MMP26: variants seen among roughly 807,000 people sequenced by gnomAD.
MMP26 encodes matrix metalloproteinase-26.
A neutral mutation model predicts 31.0 loss-of-function variants in MMP26; 33 were observed. That is an observed-to-expected ratio of 1.06 (90% CI 0.81 to 1.42). The LOEUF (loss-of-function observed/expected upper bound fraction) is 1.42. MMP26 is among the 40% of genes most tolerant of loss of function. The pLI is 0.00. For missense variants in MMP26, 347 were observed against 316.1 expected (o/e 1.10, Z -0.74); for synonymous variants, 122 against 114.9 (o/e 1.06, Z -0.40).
At chr11:4,751,139 G>A (rs748421657) in intron 1 of MMP26, among the ~76,000 whole-genome samples, 2 of 152,008 alleles carry the variant, frequency 1.3e-5, no homozygotes, top group Non-Finnish European at 2.9e-5. Context: ...AGTTATCACT[G>A]GAATTGTTTA....
At chr11:4,888,153 A>G (rs1172857634) in intron 2 of MMP26, among the ~76,000 whole-genome samples, 1 of 152,192 alleles carries the variant, frequency 6.6e-6, no homozygotes, top group Non-Finnish European at 1.5e-5. Context: ...GAAATATGTT[A>G]ATAATAGTTT....
chr11:4,769,684 A>G, intron 2 of MMP26: 1 of 1,613,058 alleles, frequency 6.2e-7, no homozygotes, highest in Non-Finnish European at 8.5e-7. Context: ...TTGACAATGA[A>G]GAAACAGTCA....
chr11:4,741,715 C>T (rs11033655), intron 1 of MMP26, among the ~76,000 whole-genome samples: 17,383 of 151,540 alleles, frequency 0.11, 1,060 homozygotes, highest in Non-Finnish European at 0.13. Context: ...CCATAGCACA[C>T]GTATTCCTAT....
chr11:4,990,833 C>T lies in MMP26; in HGVS notation c.469+87C>T, dbSNP rs183294476. ...CATCCTTAAACAAAAACCTAGCCCC[C>T]CTATTAAAGTTTCTGAGAAAAAAAG... is the stretch of plus-strand genomic sequence containing the variant. On this transcript the variant is annotated intron_variant, in intron 5 of 7. Coordinates refer to ENST00000380390, the MANE Select transcript of MMP26 (RefSeq NM_021801.5). 8 of 1,383,230 alleles carry T rather than the reference C, an allele frequency of 5.8e-6. No individual in the cohort carries two copies. The South Asian group carries it at 1.2e-4, about 21-fold the overall frequency. The allele number at this position is 1,383,230 out of a possible 1,614,324, so 85.7% of individuals were successfully genotyped here. A position where few individuals can be genotyped will look rare whatever the true frequency, so the allele number is the denominator to read the frequency against.
chr11:4,846,438 G>A (rs1443070635), intron 2 of MMP26, among the ~76,000 whole-genome samples: 1 of 152,088 alleles, frequency 6.6e-6, no homozygotes, highest in African/African-American at 2.4e-5. Context: ...GGTGAGCATG[G>A]TTAATGGGTA....
chr11:4,882,755 C>G, intron 2 of MMP26: 1 of 1,613,938 alleles, frequency 6.2e-7, no homozygotes, highest in Non-Finnish European at 8.5e-7. Flanking sequence ...TCTGCTCTTA[C>G]CACCTGTGCT....
intron 1 of MMP26, chr11:4,723,906 G>A: frequency 9.6e-7 from 1 of 1,038,910 alleles, no homozygotes; most frequent in Non-Finnish European, 1.5e-6. Context: ...CCTTCTCCTG[G>A]GTGCGCATGG....
At chr11:4,843,270 G>A (rs1194321023) in intron 2 of MMP26, among the ~76,000 whole-genome samples, 2 of 152,176 alleles carry the variant, frequency 1.3e-5, no homozygotes, top group Non-Finnish European at 2.9e-5. Context: ...CTGTGTGGGG[G>A]CTCCAACCCT....
In MMP26 at chr11:4,876,450, T is replaced by G. The variant is rs540493114; in HGVS notation, c.-145+109109T>G. The G allele has an allele frequency of 7.4e-4, 113 of 152,304 alleles. 1 individual carries two copies. The highest frequency in any genetic ancestry group is 3.2e-3 in the Admixed American group (49 of 15,294). The allele number at this position is 152,304 out of a possible 1,614,324, so 9.4% of individuals were successfully genotyped here. A position where few individuals can be genotyped will look rare whatever the true frequency, so the allele number is the denominator to read the frequency against. ...TGTGCAAGAATAATATTTAAGTTAC[T>G]TCCTCTTACAGCTACCATCTCAATA... On this transcript the variant is annotated intron_variant, in intron 2 of 7. Coordinates refer to ENST00000380390, the MANE Select transcript of MMP26 (RefSeq NM_021801.5).
intron 1 of MMP26, chr11:4,722,835 G>T (rs1472856288): frequency 1.1e-6 from 1 of 895,824 alleles, no homozygotes; most frequent in Non-Finnish European, 1.9e-6. Flanking sequence ...GTGGCTGAAG[G>T]AGCTGGAGCC....
intron 2 of MMP26, among the ~76,000 whole-genome samples, chr11:4,780,261 CA>C (rs1180455781): frequency 6.6e-6 from 1 of 151,848 alleles, no homozygotes; most frequent in Admixed American, 6.6e-5. Context: ...CATACATGAC[CA>C]AAAAGGTTTT....
chr11:4,915,878 G>A (rs1018868282), intron 2 of MMP26: 7 of 499,502 alleles, frequency 1.4e-5, no homozygotes, highest in African/African-American at 1.3e-4. Flanking sequence ...TCAATAAGAA[G>A]CAAAGACATG....
intron 2 of MMP26, among the ~76,000 whole-genome samples, chr11:4,936,868 A>G (rs1055558663): frequency 6.6e-6 from 1 of 152,178 alleles, no homozygotes; most frequent in Non-Finnish European, 1.5e-5. Context: ...TTGAATTTAC[A>G]TCCATCCAAA....
intron 1 of MMP26, among the ~76,000 whole-genome samples, chr11:4,720,807 A>C (rs1451964467): frequency 6.6e-6 from 1 of 152,206 alleles, no homozygotes; most frequent in East Asian, 1.9e-4. Flanking sequence ...CCCGCTCGCT[A>C]TAGCTCATGC....
chr11:4,940,474 G>A (rs1846191314), intron 2 of MMP26, among the ~76,000 whole-genome samples: 1 of 152,164 alleles, frequency 6.6e-6, no homozygotes, highest in South Asian at 2.1e-4. Flanking sequence ...TTTTGAAAAA[G>A]TAGGATTTTG....
chr11:4,823,838 G>A (rs551699107), intron 2 of MMP26, among the ~76,000 whole-genome samples: 15 of 152,164 alleles, frequency 9.9e-5, no homozygotes, highest in Non-Finnish European at 1.9e-4. Context: ...AAGTAAAGCC[G>A]AAAAATTATT....
intron 2 of MMP26, among the ~76,000 whole-genome samples, chr11:4,774,882 G>C (rs1222031508): frequency 2.6e-5 from 4 of 152,022 alleles, no homozygotes; most frequent in African/African-American, 9.7e-5. Context: ...TATTAAATAG[G>C]GGTTCCTTTT....
chr11:4,859,581 C>T (rs1358526779), intron 2 of MMP26: 1 of 384,944 alleles, frequency 2.6e-6, no homozygotes, highest in Non-Finnish European at 5.3e-6. Context: ...TGGATACTTA[C>T]TCTGCTTCTT....
intron 2 of MMP26, among the ~76,000 whole-genome samples, chr11:4,845,787 GTACA>G (rs1366030942): frequency 6.6e-6 from 1 of 152,048 alleles, no homozygotes; most frequent in Non-Finnish European, 1.5e-5. Context: ...GGCAAAAGAG[GTACA>G]TAAACATTTC....
Sources: allele counts gnomAD v4.1 joint callset (sites outside exome capture counted in the v4.1 genomes callset), GRCh38; gene constraint gnomAD v4.1.1; transcripts MANE v1.5; gene names NCBI Gene and HGNC (gene_info 2026-07-23, HGNC 2026-07-21).